Variants in PDLIM5 observed in about 807,000 individuals in gnomAD.
PDLIM5 encodes PDZ and LIM domain 5.
In PDLIM5, 34 loss-of-function variants were observed where a neutral mutation model predicts 64.2. The observed-to-expected ratio is 0.53, with a 90% CI of 0.40 to 0.71. The LOEUF (loss-of-function observed/expected upper bound fraction) is 0.71, where lower values mean the gene tolerates loss of function less well. PDLIM5 is among the 30% of genes least tolerant of loss of function. PDLIM5 has a pLI of 0.00. For missense variants in PDLIM5, 683 were observed against 733.6 expected (o/e 0.93, Z 0.80); for synonymous variants, 253 against 269.1 (o/e 0.94, Z 0.59).
intron 3 of PDLIM5, among the ~76,000 whole-genome samples, chr4:94,560,698 C>G (rs567101931): frequency 6.6e-6 from 1 of 152,172 alleles, no homozygotes; most frequent in African/African-American, 2.4e-5. Flanking sequence ...TTATACTTAT[C>G]AAATTAACCA....
intron 7 of PDLIM5, among the ~76,000 whole-genome samples, chr4:94,597,074 C>T (rs1443044313): frequency 1.3e-5 from 2 of 152,108 alleles, no homozygotes; most frequent in African/African-American, 2.4e-5. Flanking sequence ...ACACCTGTTG[C>T]GGAATTTTCA....
At chr4:94,572,417 G>A (rs532909936) in intron 3 of PDLIM5, among the ~76,000 whole-genome samples, 1 of 152,208 alleles carries the variant, frequency 6.6e-6, no homozygotes, top group African/African-American at 2.4e-5. Flanking sequence ...TCCATCTTAA[G>A]CAATTTACCT....
intron 2 of PDLIM5, 193 bp downstream of exon 2, chr4:94,455,577 C>A: frequency 3.2e-6 from 2 of 630,880 alleles, no homozygotes; most frequent in Non-Finnish European, 5.5e-6. Flanking sequence ...TTCAATTTAA[C>A]TTCTTTTCGT....
intron 3 of PDLIM5, among the ~76,000 whole-genome samples, chr4:94,550,479 T>C (rs1380805231): frequency 6.6e-6 from 1 of 152,218 alleles, no homozygotes; most frequent in African/African-American, 2.4e-5. Context: ...CACTGAAAGA[T>C]GCAAGCAAAC....
At chr4:94,543,709 T>C (rs1407216675) in intron 3 of PDLIM5, among the ~76,000 whole-genome samples, 1 of 151,922 alleles carries the variant, frequency 6.6e-6, no homozygotes, top group African/African-American at 2.4e-5. Context: ...TAACATAATG[T>C]CCTCCAGGTT....
At chr4:94,586,870 A>G (rs1205549834) in intron 7 of PDLIM5, 2 of 961,660 alleles carry the variant, frequency 2.1e-6, no homozygotes, top group Non-Finnish European at 3.0e-6. Context: ...AGCTATGTGA[A>G]ATTAAGCTTT....
At chr4:94,493,781 G>A (rs898795467) in intron 2 of PDLIM5, among the ~76,000 whole-genome samples, 4 of 152,044 alleles carry the variant, frequency 2.6e-5, no homozygotes, top group African/African-American at 9.7e-5. Flanking sequence ...CCAACAGTGG[G>A]AGCATTTAAG....
intron 3 of PDLIM5, among the ~76,000 whole-genome samples, chr4:94,544,817 G>T (rs1240107507): frequency 6.6e-6 from 1 of 152,114 alleles, no homozygotes; most frequent in Non-Finnish European, 1.5e-5. Flanking sequence ...CACCATGCCC[G>T]GCTAATATCT....
intron 2 of PDLIM5, among the ~76,000 whole-genome samples, chr4:94,462,089 C>T (rs112391984): frequency 0.019 from 2,952 of 152,266 alleles, 75 homozygotes; most frequent in African/African-American, 0.061. Context: ...TGGTCTCGAA[C>T]TCCTGACCTT....
chr4:94,595,202 G>A (rs778769017), intron 7 of PDLIM5, among the ~76,000 whole-genome samples: 2 of 152,162 alleles, frequency 1.3e-5, no homozygotes, highest in Non-Finnish European at 2.9e-5. Flanking sequence ...CCCTCAACAC[G>A]TGGGGATTAC....
intron 3 of PDLIM5, among the ~76,000 whole-genome samples, chr4:94,530,016 T>TTAGA (rs1730717477): frequency 6.6e-6 from 1 of 152,194 alleles, no homozygotes; most frequent in South Asian, 2.1e-4. Context: ...ATTAACTGTA[T>TTAGA]TAGAACTGGT....
At chr4:94,565,846 G>T (rs1033547754) in intron 3 of PDLIM5, among the ~76,000 whole-genome samples, 4 of 152,012 alleles carry the variant, frequency 2.6e-5, no homozygotes, top group African/African-American at 2.4e-5. Flanking sequence ...TGTGCATATT[G>T]TACAGTCTGT....
chr4:94,599,117 G>A (rs939750064), intron 7 of PDLIM5, among the ~76,000 whole-genome samples: 3 of 152,156 alleles, frequency 2.0e-5, no homozygotes, highest in Non-Finnish European at 2.9e-5. Flanking sequence ...ATATAGGACT[G>A]TAGTCATAGG....
At chr4:94,553,030 C>G (rs1233248211) in intron 3 of PDLIM5, among the ~76,000 whole-genome samples, 1 of 150,262 alleles carries the variant, frequency 6.7e-6, no homozygotes, top group Non-Finnish European at 1.5e-5. Context: ...CTTACCTGGT[C>G]TCTTTTAGCA....
At chr4:94,526,860 G>GTTGCTGGGA (rs931000303) in intron 3 of PDLIM5, among the ~76,000 whole-genome samples, 1 of 151,120 alleles carries the variant, frequency 6.6e-6, no homozygotes, top group Non-Finnish European at 1.5e-5. Flanking sequence ...AGCCTCCCGA[G>GTTGCTGGGA]TTGCTGGGAT....
chr4:94,585,070 A>G, intron 5 of PDLIM5: 1 of 805,712 alleles, frequency 1.2e-6, no homozygotes, highest in Non-Finnish European at 2.0e-6. Context: ...GCAGTTTTTT[A>G]CTTATAATTT....
At chr4:94,453,343 G>C (rs1234025861) in intron 1 of PDLIM5, among the ~76,000 whole-genome samples, 1 of 152,170 alleles carries the variant, frequency 6.6e-6, no homozygotes, top group Non-Finnish European at 1.5e-5. Context: ...AATGAAGCTA[G>C]CAGAAGAAGC....
rs1738934815 is a variant in PDLIM5, at chr4:94,618,119, G to A, written c.1036G>A (p.Ala346Thr). Residue 346 changes from alanine (A) to threonine (T), a missense_variant, in exon 8 of 13, where the codon GCA becomes ACA. Coordinates refer to ENST00000317968, the MANE Select transcript of PDLIM5 (RefSeq NM_006457.5). ...ACCAGGGGTTACCAGCCTCACAGCTGCAGCTGCCTTCAAGCCTGTAGGATC... is the reference window on the plus strand; with the variant it reads ...ACCAGGGGTTACCAGCCTCACAGCTACAGCTGCCTTCAAGCCTGTAGGATC... Reference protein sequence around the residue: ...GRPGVTSLTAAAAFKPVGSTG... With the variant: ...GRPGVTSLTATAAFKPVGSTG... 2 of 1,612,304 alleles carry A rather than the reference G, an allele frequency of 1.2e-6. No individual in the cohort carries two copies. The highest frequency in any genetic ancestry group is 1.3e-5 in the African/African-American group (1 of 74,818).
intron 5 of PDLIM5, among the ~76,000 whole-genome samples, chr4:94,576,639 T>G (rs1350175280): frequency 6.6e-6 from 1 of 152,262 alleles, no homozygotes; most frequent in African/African-American, 2.4e-5. Context: ...TTAGAAAGCA[T>G]TAGAAGCAAA....
Sources: gnomAD v4.1 joint callset for allele counts (sites outside exome capture counted in the v4.1 genomes callset) on GRCh38, gnomAD v4.1.1 for gene constraint, MANE v1.5 for transcripts, NCBI Gene and HGNC (gene_info 2026-07-23, HGNC 2026-07-21) for gene names.